NOVA1: variants seen among roughly 807,000 people sequenced by gnomAD.
The protein encoded by NOVA1 is NOVA alternative splicing regulator 1, also known as RNA-binding protein Nova-1.
A neutral mutation model predicts 38.0 loss-of-function variants in NOVA1; 7 were observed. The observed-to-expected ratio is 0.18, with a 90% CI of 0.10 to 0.35. NOVA1 has a LOEUF of 0.35. Among genes scored for constraint, NOVA1 ranks in the 10% least tolerant of loss-of-function variants. The probability of loss-of-function intolerance (pLI) is 1.00; values close to 1 mark genes in which losing one functional copy is unlikely to be tolerated. For missense variants in NOVA1, 460 were observed against 616.0 expected, an observed-to-expected ratio of 0.75 and a Z score of 2.68; for synonymous variants, 270 against 232.5, an observed-to-expected ratio of 1.16 and a Z score of -1.47.
chr14:26,474,905 T>G (rs929743599), intron 3 of NOVA1, among the ~76,000 whole-genome samples: 3 of 148,248 alleles, frequency 2.0e-5, no homozygotes, highest in African/African-American at 4.8e-5. Context: ...AAAAGACCCC[T>G]GCTTTATAAA....
In NOVA1 at chr14:26,508,390, C is replaced by A. The variant is rs538593482; in HGVS notation, c.281-28247G>T. 2.6e-5 allele frequency among the ~76,000 whole-genome samples: 4 copies of A among 152,010 alleles called. No homozygotes were observed. In the South Asian group the frequency reaches 8.3e-4, roughly 32 times the overall value. On this transcript the variant is annotated intron_variant, in intron 2 of 4. Transcript: ENST00000539517. ...TAGCTTCTTGAAGAAAGAAAAGGAACTGGGATTGAGGTCACAAATTTCTAT... is the reference window on the plus strand; with the variant it reads ...TAGCTTCTTGAAGAAAGAAAAGGAAATGGGATTGAGGTCACAAATTTCTAT...
At chr14:26,559,738 G>A (rs1891706227) in intron 2 of NOVA1, among the ~76,000 whole-genome samples, 1 of 152,110 alleles carries the variant, frequency 6.6e-6, no homozygotes, top group South Asian at 2.1e-4. Context: ...AGGCTGGGAA[G>A]GGTTGAGTGG....
intron 2 of NOVA1, among the ~76,000 whole-genome samples, chr14:26,508,986 AG>A (rs1887854597): frequency 6.6e-6 from 1 of 152,070 alleles, no homozygotes; most frequent in Non-Finnish European, 1.5e-5. Context: ...AAGCAAAGAG[AG>A]TTAAAATTAA....
At chr14:26,597,265 G>C in intron 1 of NOVA1, 36 bp downstream of exon 1, 1 of 1,229,956 alleles carries the variant, frequency 8.1e-7, no homozygotes, top group South Asian at 4.2e-5. Flanking sequence ...GGGCGGCGGG[G>C]GATGGGGCCA....
chr14:26,505,615 AAC>A (rs1347060360), intron 2 of NOVA1, among the ~76,000 whole-genome samples: 5 of 152,100 alleles, frequency 3.3e-5, no homozygotes, highest in African/African-American at 1.2e-4. Context: ...ACTTCTACCA[AAC>A]ACAGTCCCAT....
At chr14:26,534,256 T>C (rs61986519) in intron 2 of NOVA1, among the ~76,000 whole-genome samples, 6,273 of 152,238 alleles carry the variant, frequency 0.041, 188 homozygotes, top group South Asian at 0.097. Context: ...GAAATGCAAG[T>C]GTGGGCTAAT....
At chr14:26,540,826 G>A (rs1231385889) in intron 2 of NOVA1, among the ~76,000 whole-genome samples, 2 of 152,144 alleles carry the variant, frequency 1.3e-5, no homozygotes, top group Admixed American at 1.3e-4. Flanking sequence ...AATGATTTAT[G>A]AGAATATCCT....
chr14:26,450,912 G>T (rs548555220), intron 4 of NOVA1, among the ~76,000 whole-genome samples: 1 of 151,878 alleles, frequency 6.6e-6, no homozygotes, highest in African/African-American at 2.4e-5. Flanking sequence ...AAAACATCAC[G>T]GACTGGCAAA....
At chr14:26,551,994 T>C (rs931067947) in intron 2 of NOVA1, among the ~76,000 whole-genome samples, 1 of 152,014 alleles carries the variant, frequency 6.6e-6, no homozygotes, top group African/African-American at 2.4e-5. Context: ...ACAAGTAAAT[T>C]CTTAACAAAT....
rs552179871 is a variant in NOVA1, at chr14:26,510,034, G to A, written c.281-29891C>T. Among the ~76,000 whole-genome samples, 39 of 152,228 alleles carry A rather than the reference G, an allele frequency of 2.6e-4. No homozygotes were observed. The South Asian group carries it at 6.8e-3, about 27-fold the overall frequency. On this transcript the variant is annotated intron_variant, in intron 2 of 4. Transcript: ENST00000539517. ...ACAGACATAAGAGAATAGAGTCAAG[G>A]CTAGATCTTGAGAAAACATGTACCA... is the stretch of plus-strand genomic sequence containing the variant.
At chr14:26,576,548 C>T (rs1168848554) in intron 2 of NOVA1, among the ~76,000 whole-genome samples, 1 of 151,606 alleles carries the variant, frequency 6.6e-6, no homozygotes, top group East Asian at 1.9e-4. Context: ...ATTGATTTAG[C>T]ACAATATTCT....
At chr14:26,550,001 A>C (rs548583089) in intron 2 of NOVA1, among the ~76,000 whole-genome samples, 7 of 152,354 alleles carry the variant, frequency 4.6e-5, no homozygotes, top group Non-Finnish European at 7.4e-5. Context: ...GCTGTCATTC[A>C]TTTAAAAATT....
chr14:26,578,463 A>G (rs533580114), intron 2 of NOVA1, among the ~76,000 whole-genome samples: 5 of 152,296 alleles, frequency 3.3e-5, no homozygotes, highest in African/African-American at 1.2e-4. Context: ...TTGCTAAATG[A>G]TATCTAAGTA....
chr14:26,581,107 A>C (rs1893193785), intron 2 of NOVA1, among the ~76,000 whole-genome samples: 1 of 152,090 alleles, frequency 6.6e-6, no homozygotes, highest in Non-Finnish European at 1.5e-5. Context: ...AAGAAGATTA[A>C]ATGACTGATT....
chr14:26,472,235 T>C, intron 4 of NOVA1, 85 bp downstream of exon 4: 2 of 807,512 alleles, frequency 2.5e-6, no homozygotes, highest in Non-Finnish European at 4.3e-6. Context: ...AACGAATAAA[T>C]CCTTAACCCA....
rs565806934 is a variant in NOVA1 at position 26,451,312 on chromosome 14, A to C, written c.520-2349T>G. ...ACATTAGCCTGTCTTTTTTAACAATAAAAAAACAATATATTTTTCCTTCTT... is the reference window on the plus strand; with the variant it reads ...ACATTAGCCTGTCTTTTTTAACAATCAAAAAACAATATATTTTTCCTTCTT... On this transcript the variant is annotated intron_variant, in intron 4 of 4. Coordinates refer to ENST00000539517, the MANE Select transcript of NOVA1 (RefSeq NM_002515.3). 2.6e-5 allele frequency among the ~76,000 whole-genome samples: 4 copies of C among 152,212 alleles called. No homozygotes were observed. In the East Asian group the frequency reaches 7.7e-4, roughly 29 times the overall value.
At chr14:26,587,308 T>TAAAAAAAAAAAAA (rs34853058) in intron 2 of NOVA1, among the ~76,000 whole-genome samples, 7 of 123,548 alleles carry the variant, frequency 5.7e-5, no homozygotes, top group Admixed American at 7.8e-5. Flanking sequence ...CTAAAATATA[T>TAAAAAAAAAAAAA]AAAAAAAAAA....
At chr14:26,466,640 G>T (rs1244555499) in intron 4 of NOVA1, among the ~76,000 whole-genome samples, 1 of 152,176 alleles carries the variant, frequency 6.6e-6, no homozygotes, top group African/African-American at 2.4e-5. Context: ...GGTTGCTATG[G>T]TTAAAATGTT....
rs557148557 is a variant in NOVA1, at chr14:26,530,384, CA to C, written c.281-50242del. Among the ~76,000 whole-genome samples, 16 of 152,234 alleles carry C rather than the reference CA, an allele frequency of 1.1e-4. No homozygotes were observed. The East Asian group carries it at 3.1e-3, about 29-fold the overall frequency. On this transcript the variant is annotated intron_variant, in intron 2 of 4. Coordinates refer to ENST00000539517, the MANE Select transcript of NOVA1 (RefSeq NM_002515.3). ...AAAGTATCAACCCGGAAAGATTTAT[CA>C]AACATTCTGTTAAGATTAAAAAAGC...
Sources: allele counts gnomAD v4.1 joint callset (sites outside exome capture counted in the v4.1 genomes callset), GRCh38; gene constraint gnomAD v4.1.1; transcripts MANE v1.5; gene names NCBI Gene and HGNC (gene_info 2026-07-23, HGNC 2026-07-21).